Variants in NOL4 observed in about 807,000 individuals in gnomAD.
NOL4 encodes nucleolar protein 4.
A neutral mutation model predicts 75.9 loss-of-function variants in NOL4; 17 were observed. The observed-to-expected ratio is 0.22, with a 90% CI of 0.15 to 0.34. NOL4 has a LOEUF of 0.34. NOL4 is among the 10% of genes least tolerant of loss of function. NOL4 has a pLI of 1.00. For missense variants in NOL4, 614 were observed against 793.5 expected (o/e 0.77, Z 2.72); for synonymous variants, 292 against 289.9 (o/e 1.01, Z -0.07).
intron 1 of NOL4, among the ~76,000 whole-genome samples, chr18:34,214,596 T>C (rs2036747221): frequency 6.6e-6 from 1 of 152,182 alleles, no homozygotes; most frequent in African/African-American, 2.4e-5. Context: ...TTTCAAATTA[T>C]TATTATTAGT....
At chr18:34,152,303 GT>G (rs1253418258) in intron 1 of NOL4, among the ~76,000 whole-genome samples, 1 of 151,770 alleles carries the variant, frequency 6.6e-6, no homozygotes, top group Non-Finnish European at 1.5e-5. Flanking sequence ...AAATGTTCAT[GT>G]AAAAATAGGA....
intron 1 of NOL4, among the ~76,000 whole-genome samples, chr18:34,203,717 T>TCACACACACACACACA (rs60755450): frequency 2.2e-4 from 16 of 72,264 alleles, no homozygotes; most frequent in South Asian, 7.5e-4. Context: ...TCTCTCTCTC[T>TCACACACACACACACA]CACACACACA....
At chr18:34,209,782 G>T (rs1312354183) in intron 1 of NOL4, among the ~76,000 whole-genome samples, 1 of 152,170 alleles carries the variant, frequency 6.6e-6, no homozygotes, top group African/African-American at 2.4e-5. Context: ...AAGGCAGTTA[G>T]AAACGCAAAT....
chr18:33,964,543 A>C (rs2070422884), intron 6 of NOL4, among the ~76,000 whole-genome samples: 1 of 152,154 alleles, frequency 6.6e-6, no homozygotes. Flanking sequence ...GAAGGAAGGA[A>C]GAGAAAGAGT....
chr18:34,223,401 G>A lies in NOL4; in HGVS notation c.-148C>T, dbSNP rs2037455854. 1 of 1,128,256 alleles carries A rather than the reference G, an allele frequency of 8.9e-7. No individual in the cohort carries two copies. The allele number at this position is 1,128,256 out of a possible 1,614,324, so 69.9% of individuals were successfully genotyped here. A position where few individuals can be genotyped will look rare whatever the true frequency, so the allele number is the denominator to read the frequency against. Reference sequence around the variant, plus strand: ...GCCTGCTTTGGGTGGGGGAAGGGATGGGAAGAGGGGAGGAGGGTCCGGTTG... The same window carrying A: ...GCCTGCTTTGGGTGGGGGAAGGGATAGGAAGAGGGGAGGAGGGTCCGGTTG... On this transcript the variant is annotated 5_prime_UTR_variant, in exon 1 of 11. Coordinates refer to ENST00000261592, the MANE Select transcript of NOL4 (RefSeq NM_003787.5).
At chr18:34,036,442 A>G (rs1364842045) in intron 5 of NOL4, among the ~76,000 whole-genome samples, 1 of 152,198 alleles carries the variant, frequency 6.6e-6, no homozygotes, top group Non-Finnish European at 1.5e-5. Flanking sequence ...CCAATTAGGC[A>G]TAGAAGGACC....
intron 1 of NOL4, among the ~76,000 whole-genome samples, chr18:34,148,922 T>C (rs1005897605): frequency 1.3e-5 from 2 of 151,956 alleles, no homozygotes; most frequent in Non-Finnish European, 2.9e-5. Context: ...ATATTTAGGA[T>C]AGTTAGCTCT....
intron 2 of NOL4, among the ~76,000 whole-genome samples, chr18:34,122,175 T>A (rs952612302): frequency 1.3e-5 from 2 of 152,122 alleles, no homozygotes; most frequent in African/African-American, 4.8e-5. Flanking sequence ...GAGGAAAGTG[T>A]TCACTCTGAG....
At chr18:34,197,250 AG>A (rs1180603603) in intron 1 of NOL4, among the ~76,000 whole-genome samples, 13 of 152,062 alleles carry the variant, frequency 8.5e-5, no homozygotes, top group Non-Finnish European at 1.5e-4. Context: ...TTCTATTAAA[AG>A]CATCCTTTTA....
chr18:34,014,719 A>G (rs2074579211), intron 6 of NOL4, among the ~76,000 whole-genome samples: 1 of 151,980 alleles, frequency 6.6e-6, no homozygotes, highest in Admixed American at 6.6e-5. Flanking sequence ...TGCGGCCATC[A>G]GCAAGTAGAA....
intron 6 of NOL4, among the ~76,000 whole-genome samples, chr18:33,991,397 A>T (rs995797975): frequency 1.3e-5 from 2 of 152,150 alleles, no homozygotes; most frequent in Admixed American, 6.6e-5. Context: ...TAATAAAAAT[A>T]AACTAAATGT....
intron 5 of NOL4, among the ~76,000 whole-genome samples, chr18:34,024,029 T>C (rs1204934892): frequency 6.6e-6 from 1 of 151,334 alleles, no homozygotes; most frequent in East Asian, 1.9e-4. Context: ...GCCTAAAATA[T>C]TATGTTAATG....
chr18:34,037,787 C>T (rs1045974230), intron 5 of NOL4, among the ~76,000 whole-genome samples: 1 of 151,900 alleles, frequency 6.6e-6, no homozygotes, highest in African/African-American at 2.4e-5. Context: ...CTTACACTTA[C>T]CCAAAATTAT....
In NOL4 at chr18:34,105,173, A is replaced by C; in HGVS notation, c.415-13T>G. The C allele has an allele frequency of 2.0e-6, 3 of 1,512,014 alleles. No homozygotes were observed. Among genetic ancestry groups the C allele is most frequent in the East Asian group, 2.3e-5 (1 of 44,310 alleles). The allele number at this position is 1,512,014 out of a possible 1,614,324, so 93.7% of individuals were successfully genotyped here. A position where few individuals can be genotyped will look rare whatever the true frequency, so the allele number is the denominator to read the frequency against. On this transcript the variant is annotated splice_polypyrimidine_tract_variant and intron_variant, in intron 2 of 10. Coordinates refer to ENST00000261592, the MANE Select transcript of NOL4 (RefSeq NM_003787.5). ...AGCTCTCTGAAATCTGAAATGATTC[A>C]CAAAATACAGGTGTTATTATATAAG...
intron 9 of NOL4, among the ~76,000 whole-genome samples, chr18:33,941,530 A>T (rs754636909): frequency 6.6e-6 from 1 of 151,998 alleles, no homozygotes; most frequent in East Asian, 1.9e-4. Flanking sequence ...TAGTTAACTG[A>T]TATCAATACA....
intron 5 of NOL4, among the ~76,000 whole-genome samples, chr18:34,057,401 A>T (rs1012313271): frequency 6.6e-6 from 1 of 152,184 alleles, no homozygotes; most frequent in Non-Finnish European, 1.5e-5. Flanking sequence ...TGGGCTCCTA[A>T]GGTTAAGCCC....
chr18:33,926,484 A>C (rs2067339080), intron 9 of NOL4, among the ~76,000 whole-genome samples: 1 of 152,102 alleles, frequency 6.6e-6, no homozygotes. Flanking sequence ...TTCTGAAAAC[A>C]ATCTCTTCCA....
intron 6 of NOL4, among the ~76,000 whole-genome samples, chr18:34,003,834 G>A (rs1289148661): frequency 1.3e-5 from 2 of 152,026 alleles, no homozygotes; most frequent in Non-Finnish European, 2.9e-5. Context: ...GCATTCCAAA[G>A]TTAACCTGAA....
At chr18:34,145,023 C>T (rs1276131765) in intron 1 of NOL4, among the ~76,000 whole-genome samples, 1 of 152,098 alleles carries the variant, frequency 6.6e-6, no homozygotes, top group Non-Finnish European at 1.5e-5. Context: ...CTATTCTCCA[C>T]AGGCCACTGT....
Sources: gnomAD v4.1 joint callset for allele counts (sites outside exome capture counted in the v4.1 genomes callset) on GRCh38, gnomAD v4.1.1 for gene constraint, MANE v1.5 for transcripts, NCBI Gene and HGNC (gene_info 2026-07-23, HGNC 2026-07-21) for gene names.